The following ANKRD17 variants were observed in gnomAD, a reference collection of about 807,000 sequenced individuals.
ANKRD17 encodes ankyrin repeat domain 17.
ANKRD17 carries 19 observed loss-of-function variants against 229.7 expected under a neutral mutation model. The ratio of observed to expected loss-of-function variants is 0.08; its 90% confidence interval spans 0.06 to 0.12. The LOEUF (loss-of-function observed/expected upper bound fraction) is 0.12, where lower values mean the gene tolerates loss of function less well. Among genes scored for constraint, ANKRD17 ranks in the 10% least tolerant of loss-of-function variants. The pLI is 1.00. For synonymous variants in ANKRD17, 1,112 were observed against 1,146.1 expected, an observed-to-expected ratio of 0.97 and a Z score of 0.60; for missense variants, 2,176 against 3,176.8, an observed-to-expected ratio of 0.68 and a Z score of 7.57.
At chr4:73,130,812 T>C (rs886961598) in intron 16 of ANKRD17, among the ~76,000 whole-genome samples, 2 of 152,136 alleles carry the variant, frequency 1.3e-5, no homozygotes, top group Non-Finnish European at 2.9e-5. Flanking sequence ...CTAGAATCGA[T>C]CATATTTTAC....
intron 2 of ANKRD17, among the ~76,000 whole-genome samples, chr4:73,163,485 T>C (rs1447907856): frequency 6.6e-6 from 1 of 152,182 alleles, no homozygotes; most frequent in Non-Finnish European, 1.5e-5. Context: ...AAAGAAAGGC[T>C]ATTATAGGTT....
intron 3 of ANKRD17, among the ~76,000 whole-genome samples, chr4:73,157,604 T>C (rs1396383772): frequency 6.6e-6 from 1 of 152,212 alleles, no homozygotes; most frequent in Admixed American, 6.5e-5. Flanking sequence ...GGCCCTTTCA[T>C]TTCAGATACT....
intron 18 of ANKRD17, among the ~76,000 whole-genome samples, chr4:73,123,524 C>T (rs1193808704): frequency 1.3e-5 from 2 of 151,832 alleles, no homozygotes; most frequent in Non-Finnish European, 2.9e-5. Context: ...ATCTAACTAT[C>T]CATTCATATA....
At chr4:73,123,803 G>A (rs1288570572) in intron 18 of ANKRD17, among the ~76,000 whole-genome samples, 1 of 151,782 alleles carries the variant, frequency 6.6e-6, no homozygotes, top group Non-Finnish European at 1.5e-5. Context: ...TGACTGGGGG[G>A]AAGTGGGGGG....
intron 1 of ANKRD17, among the ~76,000 whole-genome samples, chr4:73,196,976 AT>A (rs1452041871): frequency 3.3e-5 from 5 of 152,030 alleles, no homozygotes; most frequent in African/African-American, 1.2e-4. Context: ...ATGTGTGTGT[AT>A]ATGTATATGT....
intron 1 of ANKRD17, among the ~76,000 whole-genome samples, chr4:73,228,566 C>T (rs1222773647): frequency 6.6e-6 from 1 of 152,162 alleles, no homozygotes. Context: ...AAATAACCTA[C>T]ATATTTCAAG....
chr4:73,225,460 C>T (rs1364874845), intron 1 of ANKRD17, among the ~76,000 whole-genome samples: 1 of 152,162 alleles, frequency 6.6e-6, no homozygotes, highest in African/African-American at 2.4e-5. Context: ...TTGTTTTTAA[C>T]AATACATATG....
chr4:73,241,928 A>G (rs1744079529), intron 1 of ANKRD17, among the ~76,000 whole-genome samples: 1 of 152,152 alleles, frequency 6.6e-6, no homozygotes, highest in African/African-American at 2.4e-5. Flanking sequence ...CCATTTCAAA[A>G]GATGCCAAAA....
intron 21 of ANKRD17, 30 bp from the exon 22 acceptor site, chr4:73,118,880 CT>C (rs751549226): frequency 0.13 from 101,557 of 779,920 alleles, 3 homozygotes; most frequent in Middle Eastern, 0.14. Context: ...ATAGCATTGT[CT>C]TTTTTTTTTT....
At chr4:73,217,419 A>G (rs1029948472) in intron 1 of ANKRD17, among the ~76,000 whole-genome samples, 6 of 152,204 alleles carry the variant, frequency 3.9e-5, no homozygotes, top group African/African-American at 1.4e-4. Context: ...TACATGAAAA[A>G]TTGGACTTCC....
At chr4:73,140,811 G>T (rs868280464) in intron 14 of ANKRD17, among the ~76,000 whole-genome samples, 5 of 152,138 alleles carry the variant, frequency 3.3e-5, no homozygotes, top group Non-Finnish European at 7.3e-5. Context: ...ATATGTCTTT[G>T]TTGGGGCCTA....
chr4:73,078,841 G>A lies in ANKRD17; in HGVS notation c.7209C>T (p.Ala2403=). The A allele has an allele frequency of 6.2e-7, 1 of 1,614,140 alleles. No homozygotes were observed. Among genetic ancestry groups the A allele is most frequent in the Non-Finnish European group, 8.5e-7 (1 of 1,180,012 alleles). The part of the protein sequence containing the change: ...VSSGVRAPSP[A]PSSVPLGSEK... Reference sequence around the variant, plus strand: ...CTGACCCTAACGGTACTGATGATGGGGCAGGAGATGGTGCACGAACTCCCG... The same window carrying A: ...CTGACCCTAACGGTACTGATGATGGAGCAGGAGATGGTGCACGAACTCCCG... The change falls in exon 31 of 34, where the codon GCC becomes GCT. Residue 2403 remains alanine (A), a synonymous_variant. Coordinates refer to ENST00000358602, the MANE Select transcript of ANKRD17 (RefSeq NM_032217.5).
chr4:73,151,282 C>T, intron 7 of ANKRD17, 148 bp downstream of exon 7: 2 of 652,090 alleles, frequency 3.1e-6, no homozygotes, highest in Middle Eastern at 3.0e-4. Flanking sequence ...CAGAAAGTAA[C>T]TTTAATAGAA....
At chr4:73,129,323 A>T (rs1174228222) in intron 16 of ANKRD17, among the ~76,000 whole-genome samples, 1 of 152,264 alleles carries the variant, frequency 6.6e-6, no homozygotes, top group Non-Finnish European at 1.5e-5. Flanking sequence ...ATGGTGGTAC[A>T]GAATGAAAAA....
intron 1 of ANKRD17, among the ~76,000 whole-genome samples, chr4:73,211,521 G>A (rs2149158610): frequency 6.6e-6 from 1 of 152,226 alleles, no homozygotes; most frequent in East Asian, 1.9e-4. Context: ...CAAACTTTTT[G>A]TTTAGTAGTT....
intron 14 of ANKRD17, 127 bp downstream of exon 14, chr4:73,141,614 A>C: frequency 1.2e-6 from 1 of 812,954 alleles, no homozygotes; most frequent in Non-Finnish European, 2.0e-6. Flanking sequence ...ACATGCTTTT[A>C]TCATGGGTTA....
chr4:73,256,540 TAGAAAA>T (rs1745468459), intron 1 of ANKRD17, among the ~76,000 whole-genome samples: 1 of 152,206 alleles, frequency 6.6e-6, no homozygotes, highest in African/African-American at 2.4e-5. Flanking sequence ...TCTGAGACAT[TAGAAAA>T]CTTTGATTTG....
intron 1 of ANKRD17, among the ~76,000 whole-genome samples, chr4:73,207,061 C>T (rs1024418715): frequency 3.3e-5 from 5 of 152,048 alleles, no homozygotes; most frequent in African/African-American, 9.7e-5. Flanking sequence ...TGACCTCAGG[C>T]GATCCACCCA....
At chr4:73,133,389 GTTT>G (rs1232065955) in intron 16 of ANKRD17, among the ~76,000 whole-genome samples, 1 of 123,200 alleles carries the variant, frequency 8.1e-6, no homozygotes. Context: ...AATGTCTCGT[GTTT>G]TTTTTTTTTT....
Sources: allele counts gnomAD v4.1 joint callset (sites outside exome capture counted in the v4.1 genomes callset), GRCh38; gene constraint gnomAD v4.1.1; transcripts MANE v1.5; gene names NCBI Gene and HGNC (gene_info 2026-07-23, HGNC 2026-07-21).